C10orf67: variants seen among roughly 807,000 people sequenced by gnomAD.
C10orf67 encodes chromosome 10 open reading frame 67, also known as uncharacterized protein C10orf67, mitochondrial.
A neutral mutation model predicts 35.6 loss-of-function variants in C10orf67; 60 were observed. The ratio of observed to expected loss-of-function variants is 1.68; its 90% CI spans 1.37 to 2.09. The LOEUF (loss-of-function observed/expected upper bound fraction) is 2.09. C10orf67 is among the 30% of genes most tolerant of loss of function. The pLI is 0.00. For missense variants in C10orf67, 474 were observed against 330.2 expected, an observed-to-expected ratio of 1.44 and a Z score of -3.38; for synonymous variants, 167 against 115.8, an observed-to-expected ratio of 1.44 and a Z score of -2.84.
chr10:23,217,697 C>T (rs1239780471), intron 15 of C10orf67, among the ~76,000 whole-genome samples: 1 of 152,176 alleles, frequency 6.6e-6, no homozygotes, highest in Non-Finnish European at 1.5e-5. Context: ...CTGCCTCATG[C>T]TTCAGAGAGC....
intron 8 of C10orf67, among the ~76,000 whole-genome samples, chr10:23,276,297 G>A (rs896452947): frequency 1.8e-4 from 28 of 152,140 alleles, no homozygotes; most frequent in African/African-American, 6.3e-4. Flanking sequence ...TCTGTTGCTT[G>A]GTCAGTGAAA....
At chr10:23,340,514 G>A (rs979030683) in intron 1 of C10orf67, among the ~76,000 whole-genome samples, 1 of 152,088 alleles carries the variant, frequency 6.6e-6, no homozygotes, top group Non-Finnish European at 1.5e-5. Context: ...AGGGGCAGCC[G>A]GAAATGGCAG....
chr10:23,273,919 T>A (rs567228429), intron 8 of C10orf67, among the ~76,000 whole-genome samples: 6 of 152,322 alleles, frequency 3.9e-5, no homozygotes, highest in African/African-American at 1.4e-4. Context: ...CAGCCCCCAA[T>A]ATTTCAATGT....
chr10:23,301,977 C>T (rs560548370), intron 5 of C10orf67, among the ~76,000 whole-genome samples: 2 of 152,226 alleles, frequency 1.3e-5, no homozygotes, highest in African/African-American at 4.8e-5. Context: ...CTGCTGGATC[C>T]AGAGGGATGG....
At chr10:23,225,666 C>G (rs758012726) in intron 13 of C10orf67, among the ~76,000 whole-genome samples, 1 of 151,738 alleles carries the variant, frequency 6.6e-6, no homozygotes, top group Admixed American at 6.6e-5. Context: ...AATAAAGGGA[C>G]GGAGGAAGAT....
rs1383956525 is a variant in C10orf67 at position 23,203,264 on chromosome 10, C to T, written c.*909G>A. 1 of 152,214 alleles carries T rather than the reference C, an allele frequency of 6.6e-6. No homozygotes were observed. Among genetic ancestry groups the T allele is most frequent in the African/African-American group, 2.4e-5 (1 of 41,458 alleles). 9.4% of individuals were successfully genotyped at this position (152,214 alleles called of 1,614,324 possible). ...ATAACGCTCCACAGCGCTATACCATCCCATGTACTTGCGTTGAAAAGAACA... is the reference window on the plus strand; with the variant it reads ...ATAACGCTCCACAGCGCTATACCATTCCATGTACTTGCGTTGAAAAGAACA... On this transcript the variant is annotated 3_prime_UTR_variant, in exon 16 of 16. Transcript: ENST00000636213.
In C10orf67 at chr10:23,273,935, C is replaced by A. The variant is rs1378936299; in HGVS notation, c.976-6681G>T. The stretch of plus-strand genomic sequence containing the variant: ...AGCCCCCAATATTTCAATGTAGGTT[C>A]TTTCTATTTTCCCCAAGTGTTGGCC... On this transcript the variant is annotated intron_variant, in intron 8 of 15. Transcript: ENST00000636213. 2.0e-5 allele frequency among the ~76,000 whole-genome samples: 3 copies of A among 152,242 alleles called. No individual in the cohort carries two copies. The South Asian group carries it at 6.2e-4, about 32-fold the overall frequency.
At position 23,236,253 on chromosome 10, in the gene C10orf67, G is replaced by GAAAAAA. The variant is rs368833212; in HGVS notation, c.1434+3470_1434+3475dup. ...GACAGAGCGAGACTCCCTCTCGGGGGAAAAAAAAAAAAAAAAAAAAAAAAA... is the reference window on the plus strand; with the variant it reads ...GACAGAGCGAGACTCCCTCTCGGGGGAAAAAAAAAAAAAAAAAAAAAAAAAAAAAAA... On this transcript the variant is annotated intron_variant, in intron 13 of 15. Transcript: ENST00000636213. Among the ~76,000 whole-genome samples the GAAAAAA allele has an allele frequency of 3.9e-3, 296 of 75,762 alleles. 8 individuals carry two copies. Among genetic ancestry groups the GAAAAAA allele is most frequent in the African/African-American group, 0.016 (272 of 16,656 alleles). 49.7% of individuals were successfully genotyped at this position (75,762 alleles called of 152,430 possible).
intron 8 of C10orf67, among the ~76,000 whole-genome samples, chr10:23,273,654 C>T (rs1390444439): frequency 1.3e-5 from 2 of 152,160 alleles, no homozygotes; most frequent in Non-Finnish European, 2.9e-5. Context: ...GCCAATGTTC[C>T]ATTGTGGGAC....
At chr10:23,315,095 T>C (rs1035024238) in intron 4 of C10orf67, among the ~76,000 whole-genome samples, 3 of 152,248 alleles carry the variant, frequency 2.0e-5, no homozygotes, top group Non-Finnish European at 4.4e-5. Flanking sequence ...GGCCAGGATC[T>C]GGAAGGCTGT....
At chr10:23,226,755 G>C (rs1841753565) in intron 13 of C10orf67, among the ~76,000 whole-genome samples, 1 of 152,030 alleles carries the variant, frequency 6.6e-6, no homozygotes, top group South Asian at 2.1e-4. Flanking sequence ...TGATAAAGGG[G>C]ATATCACCAC....
chr10:23,257,738 C>T (rs1022684263), intron 10 of C10orf67, among the ~76,000 whole-genome samples: 2 of 151,366 alleles, frequency 1.3e-5, no homozygotes, highest in African/African-American at 4.9e-5. Context: ...AGGAGACAGA[C>T]GTTTCAGTGA....
At chr10:23,302,931 A>T (rs765700962) in intron 5 of C10orf67, among the ~76,000 whole-genome samples, 9 of 152,182 alleles carry the variant, frequency 5.9e-5, no homozygotes, top group Non-Finnish European at 1.3e-4. Context: ...GCTTGGAAAG[A>T]TTAGCTTTGT....
intron 15 of C10orf67, among the ~76,000 whole-genome samples, chr10:23,207,211 A>G (rs1391733456): frequency 1.3e-5 from 2 of 150,598 alleles, no homozygotes; most frequent in African/African-American, 4.9e-5. Context: ...AAAATAATTT[A>G]GGGACTATCA....
At chr10:23,202,547 G>A (rs1261720257), downstream of C10orf67, 3 of 150,722 alleles carry the variant, frequency 2.0e-5, no homozygotes, top group African/African-American at 7.3e-5. Flanking sequence ...AAAAAAATAA[G>A]TAAAAAAGTA....
intron 10 of C10orf67, among the ~76,000 whole-genome samples, chr10:23,253,125 C>G (rs1842504720): frequency 6.6e-6 from 1 of 152,150 alleles, no homozygotes; most frequent in Admixed American, 6.5e-5. Flanking sequence ...AACTGAAAGT[C>G]CATTAAACCC....
At chr10:23,307,370 T>C (rs1364140113) in intron 4 of C10orf67, among the ~76,000 whole-genome samples, 2 of 152,112 alleles carry the variant, frequency 1.3e-5, no homozygotes, top group African/African-American at 4.8e-5. Flanking sequence ...ATATACTTAA[T>C]GTTATATTTC....
intron 5 of C10orf67, among the ~76,000 whole-genome samples, chr10:23,301,536 G>A (rs1026307568): frequency 2.0e-5 from 3 of 152,196 alleles, no homozygotes; most frequent in Non-Finnish European, 2.9e-5. Flanking sequence ...ATGTTACTGG[G>A]GGGTCCTTGC....
At chr10:23,246,735 T>C (rs1045997135) in intron 12 of C10orf67, among the ~76,000 whole-genome samples, 2 of 152,158 alleles carry the variant, frequency 1.3e-5, no homozygotes, top group African/African-American at 4.8e-5. Flanking sequence ...TGTGTTTGTA[T>C]CTTAGTTTTT....
Sources: allele counts gnomAD v4.1 joint callset (sites outside exome capture counted in the v4.1 genomes callset), GRCh38; gene constraint gnomAD v4.1.1; transcripts MANE v1.5; gene names NCBI Gene and HGNC (gene_info 2026-07-23, HGNC 2026-07-21).